The following PLD1 variants were observed in gnomAD, a reference collection of about 807,000 sequenced individuals.
PLD1 encodes the protein phospholipase D1, also known as choline phosphatase 1.
In PLD1, 112 loss-of-function variants were observed where a neutral mutation model predicts 137.1. The ratio of observed to expected loss-of-function variants is 0.82; its 90% CI spans 0.70 to 0.96. The LOEUF (loss-of-function observed/expected upper bound fraction) is 0.96, where lower values mean the gene tolerates loss of function less well. Among genes scored for constraint, PLD1 ranks in the 40% least tolerant of loss-of-function variants. The pLI, the probability that PLD1 is intolerant of heterozygous loss-of-function variation, is 0.00. For synonymous variants in PLD1, 431 were observed against 454.7 expected, an observed-to-expected ratio of 0.95 and a Z score of 0.66; for missense variants, 1,321 against 1,342.0, an observed-to-expected ratio of 0.98 and a Z score of 0.24.
At chr3:171,726,740 TAAC>T (rs1319239328) in intron 6 of PLD1, among the ~76,000 whole-genome samples, 2 of 152,262 alleles carry the variant, frequency 1.3e-5, no homozygotes, top group Admixed American at 6.5e-5. Context: ...GTAAATATTA[TAAC>T]AACAACTGTG....
intron 21 of PLD1, among the ~76,000 whole-genome samples, chr3:171,651,206 G>T (rs1053190524): frequency 6.6e-6 from 1 of 152,108 alleles, no homozygotes; most frequent in Admixed American, 6.5e-5. Flanking sequence ...GAGAATTTGA[G>T]ATTTATAGTT....
At chr3:171,779,215 TA>T (rs1560299281) in intron 1 of PLD1, among the ~76,000 whole-genome samples, 1 of 151,534 alleles carries the variant, frequency 6.6e-6, no homozygotes, top group African/African-American at 2.4e-5. Context: ...AAAATAAAAA[TA>T]AAAAAAGAAT....
chr3:171,620,423 G>C lies in PLD1; in HGVS notation c.2691C>G (p.Ser897Arg). 1 of 1,598,870 alleles carries C rather than the reference G, an allele frequency of 6.3e-7. No homozygotes were observed. Among genetic ancestry groups the C allele is most frequent in the Non-Finnish European group, 8.6e-7 (1 of 1,168,862 alleles). ...TGTTATCATCAGCAATTAACAACTT[G>C]CTGTGGACATAGATAAGCTCAGTTA... is the stretch of plus-strand genomic sequence containing the variant. ...NLVTELIYVH[S>R]KLLIADDNTV... Residue 897 changes from serine (S) to arginine (R), a missense_variant, in exon 24 of 27, where the codon AGC (serine) becomes AGG (arginine). Coordinates refer to ENST00000351298, the MANE Select transcript of PLD1 (RefSeq NM_002662.5).
intron 23 of PLD1, among the ~76,000 whole-genome samples, chr3:171,633,364 TAAGA>T (rs1734837414): frequency 6.6e-6 from 1 of 152,092 alleles, no homozygotes; most frequent in Admixed American, 6.6e-5. Flanking sequence ...TGAACAAGTA[TAAGA>T]AAGAGTCCCA....
rs1158782557 is a variant in PLD1, at chr3:171,783,351, T to G, written c.-32+27048A>C. Among the ~76,000 whole-genome samples the G allele has an allele frequency of 2.0e-5, 3 of 152,110 alleles. No homozygotes were observed. In the South Asian group the frequency reaches 6.2e-4, roughly 32 times the overall value. ...ACTGTGATTTTAACCAGGGTTGTGT[T>G]TTGCAGGAGACTAGGATAGAAAGAG... On this transcript the variant is annotated intron_variant, in intron 1 of 26. Coordinates refer to ENST00000351298, the MANE Select transcript of PLD1 (RefSeq NM_002662.5).
At chr3:171,685,232 C>A (rs891245213) in intron 16 of PLD1, among the ~76,000 whole-genome samples, 10 of 152,156 alleles carry the variant, frequency 6.6e-5, no homozygotes, top group South Asian at 2.1e-4. Context: ...AGATTGGACA[C>A]CCCTGCCCTA....
At chr3:171,791,770 C>CT (rs78596281) in intron 1 of PLD1, 45,575 of 150,972 alleles carry the variant, frequency 0.3, 7,138 homozygotes, top group Admixed American at 0.36. Context: ...TCTTTCACTC[C>CT]TTTTTTTTTG....
chr3:171,635,813 G>T (rs1735052120), intron 23 of PLD1, among the ~76,000 whole-genome samples: 1 of 151,520 alleles, frequency 6.6e-6, no homozygotes, highest in Non-Finnish European at 1.5e-5. Context: ...ATGTTTGCTT[G>T]TGCTTTTGGT....
At chr3:171,786,868 C>A (rs574917220) in intron 1 of PLD1, among the ~76,000 whole-genome samples, 62 of 152,202 alleles carry the variant, frequency 4.1e-4, no homozygotes, top group Non-Finnish European at 8.2e-4. Flanking sequence ...AACATTCTAG[C>A]CAATCAAATA....
intron 1 of PLD1, among the ~76,000 whole-genome samples, chr3:171,788,193 CAAA>C (rs1282515100): frequency 8.6e-6 from 1 of 115,616 alleles, no homozygotes; most frequent in African/African-American, 3.4e-5. Context: ...AAATCCATCT[CAAA>C]AAAAAAAAAA....
chr3:171,680,549 T>C (rs1428973761), intron 16 of PLD1, among the ~76,000 whole-genome samples: 1 of 152,196 alleles, frequency 6.6e-6, no homozygotes, highest in Non-Finnish European at 1.5e-5. Context: ...TGTCTTTTTC[T>C]ATACAATTTC....
At chr3:171,736,893 T>A (rs1453021084) in intron 3 of PLD1, among the ~76,000 whole-genome samples, 1 of 152,220 alleles carries the variant, frequency 6.6e-6, no homozygotes, top group East Asian at 1.9e-4. Context: ...CTTCTTCTAG[T>A]CCAATCCATT....
At chr3:171,804,148 C>T (rs1723752647) in intron 1 of PLD1, among the ~76,000 whole-genome samples, 3 of 152,094 alleles carry the variant, frequency 2.0e-5, no homozygotes, top group Admixed American at 2.0e-4. Context: ...GACCACTGCC[C>T]TACACATCTG....
intron 16 of PLD1, 150 bp from the exon 17 acceptor site, chr3:171,677,844 G>A (rs1014918889): frequency 3.0e-6 from 2 of 671,602 alleles, no homozygotes; most frequent in African/African-American, 3.6e-5. Flanking sequence ...ACAGGCTGTG[G>A]GCTAACAAGG....
At chr3:171,654,679 AT>A (rs562442501) in intron 21 of PLD1, among the ~76,000 whole-genome samples, 233 of 152,004 alleles carry the variant, frequency 1.5e-3, no homozygotes, top group Non-Finnish European at 2.0e-3. Flanking sequence ...GTGGATTATG[AT>A]TTTTTTTCTC....
rs1714671985 is a variant in PLD1 at position 171,687,373 on chromosome 3, G to C, written c.1751C>G (p.Ser584Cys). 3 of 1,613,108 alleles carry C rather than the reference G, an allele frequency of 1.9e-6. No individual in the cohort carries two copies. The highest frequency in any genetic ancestry group is 2.5e-6 in the Non-Finnish European group (3 of 1,179,174). Reference protein sequence around the residue: ...ADSISSIDSTSSYFNHYRSHH... With the variant: ...ADSISSIDSTCSYFNHYRSHH... ...TTCTAGTCAAGGCCATGACTTACTG[G>C]AGGTGCTGTCAATGCTGCTGATGCT... Residue 584 changes from serine (S) to cysteine (C), a missense_variant and splice_region_variant, in exon 15 of 27, where the codon TCC becomes TGC. By Grantham distance (112) the Ser-to-Cys change is moderately radical (BLOSUM62 -1). Transcript: ENST00000351298.
chr3:171,677,516 C>T (rs375929077), intron 17 of PLD1, 50 bp downstream of exon 17: 2 of 1,574,280 alleles, frequency 1.3e-6, no homozygotes, highest in African/African-American at 2.7e-5. Context: ...CTGAGATGTT[C>T]AAAGGTAAAA....
chr3:171,680,527 C>T (rs1713873559), intron 16 of PLD1, among the ~76,000 whole-genome samples: 1 of 152,118 alleles, frequency 6.6e-6, no homozygotes, highest in African/African-American at 2.4e-5. Context: ...AGCCACCACA[C>T]CCGGCCTCTC....
rs190963362 is a variant in PLD1, at chr3:171,624,452, G to T, written c.2594-3932C>A. On this transcript the variant is annotated intron_variant, in intron 23 of 26. Transcript: ENST00000351298. ...GCAAATTCATACAAATTTTTTGAAG[G>T]GTCATTTAGCAATATCTAACAAAGC... 4.6e-3 allele frequency among the ~76,000 whole-genome samples: 702 copies of T among 151,992 alleles called. 3 individuals carry two copies. The highest frequency in any genetic ancestry group is 6.6e-3 in the South Asian group (32 of 4,818).
Sources: allele counts gnomAD v4.1 joint callset (sites outside exome capture counted in the v4.1 genomes callset), GRCh38; gene constraint gnomAD v4.1.1; transcripts MANE v1.5; gene names NCBI Gene and HGNC (gene_info 2026-07-23, HGNC 2026-07-21).